PPP2R2B: variants seen among roughly 807,000 people sequenced by gnomAD.
PPP2R2B encodes the protein protein phosphatase 2 regulatory subunit Bbeta.
A neutral mutation model predicts 46.0 loss-of-function variants in PPP2R2B; 5 were observed. The ratio of observed to expected loss-of-function variants is 0.11; its 90% CI spans 0.06 to 0.23. The LOEUF (loss-of-function observed/expected upper bound fraction) is 0.23, where lower values mean the gene tolerates loss of function less well. Ranked by LOEUF, PPP2R2B falls within the 10% of genes least tolerant of loss-of-function variation. The pLI, the probability that PPP2R2B is intolerant of heterozygous loss-of-function variation, is 1.00. For synonymous variants in PPP2R2B, 215 were observed against 206.7 expected (o/e 1.04, Z -0.34); for missense variants, 367 against 575.0 (o/e 0.64, Z 3.70).
intron 2 of PPP2R2B, among the ~76,000 whole-genome samples, chr5:146,760,431 C>G (rs543359615): frequency 6.6e-6 from 1 of 152,184 alleles, no homozygotes; most frequent in South Asian, 2.1e-4. Flanking sequence ...TTGTGGCCAC[C>G]ATGTGCTATT....
At chr5:146,922,362 C>G (rs1763636404) in intron 1 of PPP2R2B, 1 of 152,216 alleles carries the variant, frequency 6.6e-6, no homozygotes, top group African/African-American at 2.4e-5. Flanking sequence ...CTCCAGGACT[C>G]TCCCTCCTAG....
chr5:146,692,724 C>T (rs1175693196), intron 4 of PPP2R2B, among the ~76,000 whole-genome samples: 4 of 151,410 alleles, frequency 2.6e-5, no homozygotes, highest in Non-Finnish European at 2.9e-5. Context: ...CTAGTAGAGA[C>T]GGGGTTTCAC....
upstream of PPP2R2B, among the ~76,000 whole-genome samples, chr5:146,880,086 C>T (rs1262749318): frequency 6.6e-6 from 1 of 152,026 alleles, no homozygotes; most frequent in Non-Finnish European, 1.5e-5. Flanking sequence ...ATGGATACTT[C>T]TGGTAGATAG....
At chr5:146,798,955 G>C (rs924179169) in intron 2 of PPP2R2B, among the ~76,000 whole-genome samples, 3 of 152,266 alleles carry the variant, frequency 2.0e-5, no homozygotes. Flanking sequence ...CTCAACCAGA[G>C]TGACTTTGAG....
At chr5:146,864,861 C>G (rs1761218526) in intron 2 of PPP2R2B, among the ~76,000 whole-genome samples, 1 of 152,108 alleles carries the variant, frequency 6.6e-6, no homozygotes, top group Non-Finnish European at 1.5e-5. Context: ...AAATTTGTGA[C>G]AATGTGAGGT....
chr5:146,622,454 C>T (rs769188519), intron 7 of PPP2R2B, among the ~76,000 whole-genome samples: 5 of 152,164 alleles, frequency 3.3e-5, no homozygotes, highest in Admixed American at 3.3e-4. Context: ...ACCCCAGAAC[C>T]AGCACTATTG....
At chr5:146,880,958 A>C (rs1040715548), upstream of PPP2R2B, among the ~76,000 whole-genome samples, 1 of 152,034 alleles carries the variant, frequency 6.6e-6, no homozygotes, top group Non-Finnish European at 1.5e-5. Context: ...CATCCACCCA[A>C]AACCAAGGGG....
At chr5:146,961,898 G>C (rs1198398550) in intron 1 of PPP2R2B, among the ~76,000 whole-genome samples, 2 of 151,786 alleles carry the variant, frequency 1.3e-5, no homozygotes, top group Admixed American at 6.6e-5. Flanking sequence ...ACTCACTTTA[G>C]CTTTGGCAAT....
chr5:146,921,700 C>G (rs533555671), intron 1 of PPP2R2B, among the ~76,000 whole-genome samples: 1 of 152,268 alleles, frequency 6.6e-6, no homozygotes, highest in Non-Finnish European at 1.5e-5. Flanking sequence ...ATCAGTTCAT[C>G]TCTGCTTCTC....
intron 8 of PPP2R2B, among the ~76,000 whole-genome samples, chr5:146,595,615 T>C (rs376802310): frequency 1.6e-4 from 25 of 152,322 alleles, no homozygotes; most frequent in African/African-American, 5.3e-4. Context: ...CTGCCTCCAA[T>C]TGACAGCATT....
chr5:146,868,563 C>T (rs1300101771), intron 2 of PPP2R2B, among the ~76,000 whole-genome samples: 2 of 152,170 alleles, frequency 1.3e-5, no homozygotes, highest in African/African-American at 2.4e-5. Context: ...GCTTAGGAAA[C>T]TGAAGCCCAG....
At chr5:146,903,274 T>G (rs1340417004) in intron 1 of PPP2R2B, among the ~76,000 whole-genome samples, 2 of 152,192 alleles carry the variant, frequency 1.3e-5, no homozygotes, top group Non-Finnish European at 2.9e-5. Flanking sequence ...TAAAGAACTT[T>G]GAGGTTCTCA....
chr5:146,935,512 C>T (rs1764110225), intron 1 of PPP2R2B, among the ~76,000 whole-genome samples: 1 of 152,106 alleles, frequency 6.6e-6, no homozygotes, highest in South Asian at 2.1e-4. Flanking sequence ...GCCATGTAAT[C>T]CATGCCAATA....
chr5:146,903,279 T>C (rs940730114), intron 1 of PPP2R2B, among the ~76,000 whole-genome samples: 1 of 152,126 alleles, frequency 6.6e-6, no homozygotes, highest in African/African-American at 2.4e-5. Context: ...AACTTTGAGG[T>C]TCTCAATCAT....
intron 6 of PPP2R2B, among the ~76,000 whole-genome samples, chr5:146,640,849 C>A (rs545488242): frequency 2.6e-5 from 4 of 152,172 alleles, no homozygotes; most frequent in African/African-American, 7.2e-5. Context: ...GCTGTGCCCA[C>A]GAGATCTGCC....
chr5:146,598,259 T>A (rs973388937), intron 8 of PPP2R2B, among the ~76,000 whole-genome samples: 2 of 152,242 alleles, frequency 1.3e-5, no homozygotes, highest in Non-Finnish European at 2.9e-5. Flanking sequence ...GCAAAGCATT[T>A]GGCAGTTGAT....
At chr5:147,020,389 C>T (rs1230337740) in intron 1 of PPP2R2B, among the ~76,000 whole-genome samples, 3 of 151,878 alleles carry the variant, frequency 2.0e-5, no homozygotes, top group African/African-American at 4.8e-5. Flanking sequence ...TTGACTTCAT[C>T]CCTAGGTCTA....
At chr5:147,010,249 G>A (rs1344307197) in intron 1 of PPP2R2B, among the ~76,000 whole-genome samples, 2 of 152,122 alleles carry the variant, frequency 1.3e-5, no homozygotes, top group Non-Finnish European at 1.5e-5. Flanking sequence ...GATCCCCAAC[G>A]TTTTTGGCAC....
chr5:146,933,538 T>A (rs1370259992), intron 1 of PPP2R2B, among the ~76,000 whole-genome samples: 1 of 152,096 alleles, frequency 6.6e-6, no homozygotes, highest in Non-Finnish European at 1.5e-5. Flanking sequence ...ACACTTGGGA[T>A]ACCATTAAGG....
Sources: gnomAD v4.1 joint callset for allele counts (sites outside exome capture counted in the v4.1 genomes callset) on GRCh38, gnomAD v4.1.1 for gene constraint, MANE v1.5 for transcripts, NCBI Gene and HGNC (gene_info 2026-07-23, HGNC 2026-07-21) for gene names.